The following FGGY variants were observed in gnomAD, a reference collection of about 807,000 sequenced individuals.
The protein encoded by FGGY is FGGY carbohydrate kinase domain containing, also known as FGGY carbohydrate kinase domain-containing protein.
FGGY carries 72 observed loss-of-function variants against 71.3 expected under a neutral mutation model. The observed-to-expected ratio is 1.01, with a 90% CI of 0.84 to 1.23. FGGY has a LOEUF of 1.23. FGGY is among the 50% of genes most tolerant of loss of function. The pLI is 0.00. For synonymous variants in FGGY, 251 were observed against 250.3 expected (o/e 1.00, Z -0.02); for missense variants, 668 against 682.3 (o/e 0.98, Z 0.23).
chr1:59,434,672 G>A (rs2068047871), intron 5 of FGGY, among the ~76,000 whole-genome samples: 1 of 152,156 alleles, frequency 6.6e-6, no homozygotes, highest in African/African-American at 2.4e-5. Context: ...TCACTTCCTG[G>A]TTCATAGGTA....
In FGGY at chr1:59,673,808, A is replaced by G. The variant is rs1220688286; in HGVS notation, c.1418-231A>G. On this transcript the variant is annotated intron_variant, in intron 13 of 15. Transcript: ENST00000303721. ...GCACTGAGGTCTCGTGAGTTGATAT[A>G]TATGGTGTTGGTTCCCTTGGGCTCT... is the stretch of plus-strand genomic sequence containing the variant. The G allele has an allele frequency of 4.1e-6, 2 of 491,586 alleles. 1 individual carries two copies. The highest frequency in any genetic ancestry group is 4.6e-5 in the South Asian group (2 of 43,156). The allele number at this position is 491,586 out of a possible 1,614,324, so 30.5% of individuals were successfully genotyped here. A position where few individuals can be genotyped will look rare whatever the true frequency, so the allele number is the denominator to read the frequency against.
chr1:59,603,008 T>C (rs2096592314), intron 8 of FGGY, among the ~76,000 whole-genome samples: 1 of 152,074 alleles, frequency 6.6e-6, no homozygotes, highest in Non-Finnish European at 1.5e-5. Context: ...GCAACCAAAG[T>C]TTTTATTACT....
intron 14 of FGGY, among the ~76,000 whole-genome samples, chr1:59,742,799 T>C (rs1288166734): frequency 6.6e-6 from 1 of 152,258 alleles, no homozygotes; most frequent in Admixed American, 6.5e-5. Context: ...CAGTCTCTCA[T>C]GGTGTCTTTC....
chr1:59,366,371 A>C (rs1206998755), intron 4 of FGGY, among the ~76,000 whole-genome samples: 1 of 152,116 alleles, frequency 6.6e-6, no homozygotes, highest in East Asian at 1.9e-4. Context: ...CGGCAGTGAC[A>C]TAAATATTTA....
intron 1 of FGGY, among the ~76,000 whole-genome samples, chr1:59,306,131 T>C (rs530129232): frequency 6.6e-6 from 1 of 152,280 alleles, no homozygotes; most frequent in African/African-American, 2.4e-5. Flanking sequence ...TTGTTTTCTA[T>C]TTTTTTCCCC....
intron 14 of FGGY, among the ~76,000 whole-genome samples, chr1:59,753,644 A>G (rs2098266330): frequency 6.6e-6 from 1 of 151,180 alleles, no homozygotes; most frequent in Middle Eastern, 3.2e-3. Flanking sequence ...ACATTTTAAT[A>G]TATATTGATC....
intron 3 of FGGY, among the ~76,000 whole-genome samples, chr1:59,340,990 C>G (rs749667392): frequency 3.2e-4 from 48 of 152,166 alleles, no homozygotes; most frequent in Non-Finnish European, 4.4e-4. Context: ...CCATTGCAAA[C>G]ATATTTGGGG....
intron 6 of FGGY, among the ~76,000 whole-genome samples, chr1:59,462,614 A>G (rs1434489930): frequency 6.6e-6 from 1 of 152,240 alleles, no homozygotes; most frequent in African/African-American, 2.4e-5. Context: ...TTTACAAGGA[A>G]AAAACAAACA....
chr1:59,564,825 C>A (rs535673569), intron 8 of FGGY, among the ~76,000 whole-genome samples: 2 of 152,152 alleles, frequency 1.3e-5, no homozygotes, highest in Admixed American at 1.3e-4. Flanking sequence ...ACTAGGAACA[C>A]GGCAAAGTCA....
rs1038505780 is a variant in FGGY, at chr1:59,402,217, G to A, written c.554+23380G>A. 3.9e-5 allele frequency among the ~76,000 whole-genome samples: 6 copies of A among 152,192 alleles called. No homozygotes were observed. The East Asian group carries it at 9.6e-4, about 24-fold the overall frequency. ...TTCGTTGCCTCTTTAGGAAATGGTCGACAGTGTGGAGTGGACAGAGCACGG... is the reference window on the plus strand; with the variant it reads ...TTCGTTGCCTCTTTAGGAAATGGTCAACAGTGTGGAGTGGACAGAGCACGG... On this transcript the variant is annotated intron_variant, in intron 5 of 15. Coordinates refer to ENST00000303721, the MANE Select transcript of FGGY (RefSeq NM_018291.5).
rs768874789 is a variant in FGGY, at chr1:59,674,131, C to A, written c.1510C>A (p.Gln504Lys). The part of the protein sequence containing the change: ...ACASGDFASV[Q>K]EAMAKMSKVG... ...TGCCTCAGGGGATTTCGCTTCTGTA[C>A]AGGTATGTGAAGACCAGGGGGTGGG... is the stretch of plus-strand genomic sequence containing the variant. Residue 504 changes from glutamine to lysine, a missense_variant and splice_region_variant, in exon 14 of 16, where the codon CAG becomes AAG. This residue lies in a region of FGGY where 661 missense variants were observed against 661.6 expected (regional missense o/e 1.00). Transcript: ENST00000303721. 2.4e-5 allele frequency: 38 copies of A among 1,613,210 alleles called. No individual in the cohort carries two copies. Among genetic ancestry groups the A allele is most frequent in the Non-Finnish European group, 3.1e-5 (36 of 1,179,596 alleles).
rs1367718618 is a variant in FGGY, at chr1:59,622,028, C to A, written c.1012-3960C>A. On this transcript the variant is annotated intron_variant, in intron 9 of 15. Coordinates refer to ENST00000303721, the MANE Select transcript of FGGY (RefSeq NM_018291.5). Reference sequence around the variant, plus strand: ...ATTCATATTCTCTCTCTCTCTTTCTCTCTCTCTAAGTCTCCCAGTCTAAGT... The same window carrying A: ...ATTCATATTCTCTCTCTCTCTTTCTATCTCTCTAAGTCTCCCAGTCTAAGT... Among the ~76,000 whole-genome samples, 48 of 151,976 alleles carry A rather than the reference C, an allele frequency of 3.2e-4. No individual in the cohort carries two copies. The East Asian group carries it at 8.3e-3, about 26-fold the overall frequency.
At chr1:59,367,583 A>T (rs773165511) in intron 4 of FGGY, among the ~76,000 whole-genome samples, 1 of 152,198 alleles carries the variant, frequency 6.6e-6, no homozygotes, top group Non-Finnish European at 1.5e-5. Context: ...TACACAGTAG[A>T]TTACTTGGAT....
At chr1:59,366,687 C>G (rs938757478) in intron 4 of FGGY, among the ~76,000 whole-genome samples, 3 of 151,998 alleles carry the variant, frequency 2.0e-5, no homozygotes, top group African/African-American at 7.3e-5. Context: ...TCCCAAAACT[C>G]TGCATTTTTT....
rs188901222 is a variant in FGGY at position 59,732,660 on chromosome 1, G to T, written c.1513-25271G>T. 1.2e-4 allele frequency among the ~76,000 whole-genome samples: 19 copies of T among 152,088 alleles called. No individual in the cohort carries two copies. In the East Asian group the frequency reaches 3.1e-3, roughly 25 times the overall value. Reference sequence around the variant, plus strand: ...ACCAAAGCAGATAGAGGAAAGGGGGGCAAGAAAGGGGAAGGGAAGGAAGGT... The same window carrying T: ...ACCAAAGCAGATAGAGGAAAGGGGGTCAAGAAAGGGGAAGGGAAGGAAGGT... On this transcript the variant is annotated intron_variant, in intron 14 of 15. Coordinates refer to ENST00000303721, the MANE Select transcript of FGGY (RefSeq NM_018291.5).
chr1:59,441,852 C>T (rs1316447204), intron 5 of FGGY, among the ~76,000 whole-genome samples: 3 of 152,128 alleles, frequency 2.0e-5, no homozygotes, highest in Non-Finnish European at 2.9e-5. Context: ...ATCAGTTATT[C>T]CATTTCACAT....
rs7539127 is a variant in FGGY at position 59,366,477 on chromosome 1, G to A, written c.466-12272G>A. Among the ~76,000 whole-genome samples the A allele has an allele frequency of 1.6e-3, 246 of 151,788 alleles. 1 individual carries two copies. The highest frequency in any genetic ancestry group is 3.4e-3 in the African/African-American group (142 of 41,368). The stretch of plus-strand genomic sequence containing the variant: ...TCCCCAGGTCCCAAACCCTTTCCCC[G>A]CTCTGAGCCCTGTCTGTGATTACTC... On this transcript the variant is annotated intron_variant, in intron 4 of 15. Coordinates refer to ENST00000303721, the MANE Select transcript of FGGY (RefSeq NM_018291.5).
chr1:59,452,813 A>G (rs1389582895), intron 5 of FGGY, among the ~76,000 whole-genome samples: 2 of 152,204 alleles, frequency 1.3e-5, no homozygotes, highest in Non-Finnish European at 2.9e-5. Context: ...TGCCAATCTT[A>G]GAAGCAACTC....
Position 59,603,890 on chromosome 1 carries a change from C to A in FGGY, c.904-3913C>A, listed in dbSNP as rs145311941. Among the ~76,000 whole-genome samples, 6 of 152,298 alleles carry A rather than the reference C, an allele frequency of 3.9e-5. No individual in the cohort carries two copies. In the East Asian group the frequency reaches 1.2e-3, roughly 29 times the overall value. ...AAGTAATGGTAGCCTAAAATTAAGACTATAATTTGGCAGAGACAAATATAG... is the reference window on the plus strand; with the variant it reads ...AAGTAATGGTAGCCTAAAATTAAGAATATAATTTGGCAGAGACAAATATAG... On this transcript the variant is annotated intron_variant, in intron 8 of 15. Transcript: ENST00000303721.
Sources: gnomAD v4.1 joint callset for allele counts (sites outside exome capture counted in the v4.1 genomes callset) on GRCh38, gnomAD v4.1.1 for gene constraint, gnomAD v4.1.1 regional missense constraint, MANE v1.5 for transcripts, NCBI Gene and HGNC (gene_info 2026-07-23, HGNC 2026-07-21) for gene names.